Variants in ANO7 observed in about 807,000 individuals in gnomAD.
ANO7 encodes the protein anoctamin-7.
ANO7 carries 114 observed loss-of-function variants against 115.8 expected under a neutral mutation model. The ratio of observed to expected loss-of-function variants is 0.98; its 90% CI spans 0.85 to 1.15. ANO7 has a LOEUF of 1.15. ANO7 is among the 50% of genes most tolerant of loss of function. The pLI is 0.00. For synonymous variants in ANO7, 550 were observed against 498.2 expected (o/e 1.10, Z -1.38); for missense variants, 1,302 against 1,201.2 (o/e 1.08, Z -1.24).
intron 21 of ANO7, among the ~76,000 whole-genome samples, chr2:241,220,235 T>G (rs1321648069): frequency 6.6e-6 from 1 of 152,220 alleles, no homozygotes; most frequent in Non-Finnish European, 1.5e-5. Context: ...CATACACATA[T>G]GTATGCATAG....
rs2068524006 is a variant in ANO7, at chr2:241,203,633, A to AG, written c.889+135_889+136insG. ...GACGGTGGGCGCAGCTCTTGGCTCG[A>AG]CCGGGCTGCCCTCCTGGCTCCCCTC... is the stretch of plus-strand genomic sequence containing the variant. On this transcript the variant is annotated intron_variant, in intron 9 of 24. Coordinates refer to ENST00000674324, the MANE Select transcript of ANO7 (RefSeq NM_001370694.2). This position sits in a 1 kb window ranked among gnomAD's most constrained non-coding sequence, Gnocchi z 4.8. 1.6e-6 allele frequency: 1 copy of AG among 619,340 alleles called. No homozygotes were observed. The highest frequency in any genetic ancestry group is 1.9e-5 in the African/African-American group (1 of 51,500). The allele number at this position is 619,340 out of a possible 1,614,324, so 38.4% of individuals were successfully genotyped here.
At chr2:241,189,953 G>C in intron 1 of ANO7, 104 bp from the exon 2 acceptor site, 1 of 841,564 alleles carries the variant, frequency 1.2e-6, no homozygotes, top group Non-Finnish European at 1.9e-6. Flanking sequence ...ACTCCGAGTC[G>C]AGTCTGTAAA....
chr2:241,234,408 G>GT, the ANO7 span, among the ~76,000 whole-genome samples: 2 of 152,226 alleles, frequency 1.3e-5, no homozygotes, highest in Admixed American at 1.3e-4. Flanking sequence ...AAGGCTACAG[G>GT]TATGACCTGG....
chr2:241,200,559 C>G (rs1443460568), intron 6 of ANO7, among the ~76,000 whole-genome samples: 2 of 152,218 alleles, frequency 1.3e-5, no homozygotes, highest in African/African-American at 4.8e-5. Flanking sequence ...GAGGCTCTGT[C>G]TCGTCACAGC....
intron 21 of ANO7, among the ~76,000 whole-genome samples, chr2:241,220,119 C>T (rs543544386): frequency 1.3e-5 from 2 of 152,152 alleles, no homozygotes; most frequent in Non-Finnish European, 2.9e-5. Flanking sequence ...ACAGTAATTT[C>T]TTATGTATTG....
chr2:241,214,256 C>T (rs935262), intron 17 of ANO7, among the ~76,000 whole-genome samples: 126,684 of 152,260 alleles, frequency 0.83, 52,885 homozygotes, highest in East Asian at 0.95. Context: ...GTACTGAAAA[C>T]GCTCAGGGCT....
At chr2:241,236,914 G>C in the ANO7 span, 1 of 688,698 alleles carries the variant, frequency 1.5e-6, no homozygotes, top group Admixed American at 2.5e-5. Flanking sequence ...AGGAGGTCTT[G>C]GTCTGGTCAG....
At chr2:241,237,685 A>G in the ANO7 span, among the ~76,000 whole-genome samples, 1 of 152,128 alleles carries the variant, frequency 6.6e-6, no homozygotes, top group Non-Finnish European at 1.5e-5. Context: ...AATACCCACC[A>G]TGAATAAAGG....
downstream of ANO7, chr2:241,230,029 A>G: frequency 6.4e-7 from 1 of 1,572,256 alleles, no homozygotes; most frequent in Non-Finnish European, 8.6e-7. The surrounding 1 kb of genome is among the most constrained non-coding windows in gnomAD (Gnocchi z 5.0). Flanking sequence ...CCGCCTGCTC[A>G]CCCCTGCACC....
Position 241,190,150 on chromosome 2 carries a change from G to T in ANO7, c.87G>T (p.Gly29=). 1 of 1,570,016 alleles carries T rather than the reference G, an allele frequency of 6.4e-7. No individual in the cohort carries two copies. Among genetic ancestry groups the T allele is most frequent in the Middle Eastern group, 1.7e-4 (1 of 6,002 alleles). The change falls in exon 2 of 25, where the codon GGG becomes GGT. Residue 29 remains glycine (G), a synonymous_variant. Transcript: ENST00000674324. ...AGGCAGAGAAGAGGGGCTCTTACGG[G>T]AGCACAGCCCACGCCTCGGAGGTAA... ...PPEAEKRGSY[G]STAHASEPGG... is the part of the protein sequence containing the mutation.
In ANO7 at chr2:241,223,300, T is replaced by C. The variant is rs369298074; in HGVS notation, c.2412+24T>C. 7 of 1,613,496 alleles carry C rather than the reference T, an allele frequency of 4.3e-6. No individual in the cohort carries two copies. In the African/African-American group the frequency reaches 8.0e-5, roughly 18 times the overall value. ...AGGTAGCCGAGGCACCTGCTGGTTC[T>C]CCCATCCATGGCATGAGGCCCCGAC... On this transcript the variant is annotated intron_variant, in intron 22 of 24. Transcript: ENST00000674324.
chr2:241,214,345 G>A (rs1030748967), intron 17 of ANO7, among the ~76,000 whole-genome samples: 4 of 152,210 alleles, frequency 2.6e-5, no homozygotes, highest in African/African-American at 9.7e-5. Context: ...TTCTCAGAAA[G>A]ATTATCCCCA....
intron 8 of ANO7, among the ~76,000 whole-genome samples, chr2:241,202,796 C>T (rs768500452): frequency 8.5e-5 from 13 of 152,208 alleles, no homozygotes; most frequent in African/African-American, 9.7e-5. Flanking sequence ...CCCCCTTGGC[C>T]GAGCAGGGGA....
chr2:241,212,461 G>T, intron 16 of ANO7, 111 bp from the exon 17 acceptor site: 3 of 1,228,232 alleles, frequency 2.4e-6, no homozygotes, highest in Admixed American at 3.9e-5. Context: ...GCCACAGTTC[G>T]TGCTTCCTCC....
chr2:241,236,578 CTTGGCGGGGG>C, the ANO7 span: 6 of 1,608,742 alleles, frequency 3.7e-6, no homozygotes, highest in Non-Finnish European at 5.1e-6. Context: ...CTGACTGGGC[CTTGGCGGGGG>C]GTGGAGGGGG....
rs1355182515 is a variant in ANO7, at chr2:241,195,775, C to G, written c.239C>G (p.Thr80Arg). 3 of 1,614,280 alleles carry G rather than the reference C, an allele frequency of 1.9e-6. No homozygotes were observed. In the Admixed American group the frequency reaches 5.0e-5, roughly 27 times the overall value. ...CAGGACAGTGCCGCCCGGGACAGAA[C>G]AGACATGCACAGGACCTGGCGGGAG... is the stretch of plus-strand genomic sequence containing the variant. ...RQQDSAARDR[T>R]DMHRTWRETF... is the part of the protein sequence containing the mutation. Residue 80 changes from threonine (T) to arginine (R), a missense_variant, in exon 4 of 25, where the codon ACA becomes AGA. Transcript: ENST00000674324.
intron 15 of ANO7, among the ~76,000 whole-genome samples, chr2:241,210,940 G>T (rs1559450857): frequency 6.6e-6 from 1 of 152,142 alleles, no homozygotes; most frequent in African/African-American, 2.4e-5. Flanking sequence ...AAAGTGCTGG[G>T]ATTACAGGCA....
At chr2:241,214,589 G>A (rs2068781268) in intron 17 of ANO7, among the ~76,000 whole-genome samples, 1 of 152,184 alleles carries the variant, frequency 6.6e-6, no homozygotes, top group Non-Finnish European at 1.5e-5. Context: ...AGTGCCCCCT[G>A]CAGCTTTCCA....
At chr2:241,217,490 G>A (rs935093530) in intron 19 of ANO7, 196 bp from the exon 20 acceptor site, 1 of 621,300 alleles carries the variant, frequency 1.6e-6, no homozygotes, top group Non-Finnish European at 2.7e-6. Flanking sequence ...GGGCAGGACA[G>A]CCGGCCTGAG....
Sources: allele counts gnomAD v4.1 joint callset (sites outside exome capture counted in the v4.1 genomes callset), GRCh38; gene constraint gnomAD v4.1.1; non-coding constraint Gnocchi (gnomAD v3.1); transcripts MANE v1.5; gene names NCBI Gene and HGNC (gene_info 2026-07-23, HGNC 2026-07-21).